Variants in ATP5PO observed in about 807,000 individuals in gnomAD.
ATP5PO encodes ATP synthase peripheral stalk subunit OSCP.
ATP5PO carries 14 observed loss-of-function variants against 26.2 expected under a neutral mutation model. The ratio of observed to expected loss-of-function variants is 0.53; its 90% CI spans 0.35 to 0.83. The LOEUF (loss-of-function observed/expected upper bound fraction) is 0.83. ATP5PO is among the 40% of genes least tolerant of loss of function. The probability of loss-of-function intolerance (pLI) is 0.01; values close to 1 mark genes in which losing one functional copy is unlikely to be tolerated. For missense variants in ATP5PO, 241 were observed against 258.5 expected, an observed-to-expected ratio of 0.93 and a Z score of 0.46; for synonymous variants, 106 against 95.1, an observed-to-expected ratio of 1.12 and a Z score of -0.67.
At chr21:33,905,730 T>A (rs1987160574) in intron 5 of ATP5PO, among the ~76,000 whole-genome samples, 1 of 151,780 alleles carries the variant, frequency 6.6e-6, no homozygotes, top group South Asian at 2.1e-4. Flanking sequence ...CTGGCCAACA[T>A]GGTGAAACTC....
rs139026253 is a variant in ATP5PO, at chr21:33,911,786, C to T, written c.198+503G>A. On this transcript the variant is annotated intron_variant, in intron 3 of 6. Transcript: ENST00000290299. ...GGTTCAAGCAATTCTGCCTCAGCCTCCGGAGTAGCTGGGATTACAGGTGTT... is the reference window on the plus strand; with the variant it reads ...GGTTCAAGCAATTCTGCCTCAGCCTTCGGAGTAGCTGGGATTACAGGTGTT... Among the ~76,000 whole-genome samples the T allele has an allele frequency of 6.1e-3, 926 of 151,102 alleles. 5 individuals carry two copies. Among genetic ancestry groups the T allele is most frequent in the African/African-American group, 0.022 (887 of 41,214 alleles).
At position 33,903,947 on chromosome 21, in the gene ATP5PO, T is replaced by C. The variant is rs1987135646; in HGVS notation, c.516A>G (p.Lys172=). The change falls in exon 6 of 7, where the codon AAA becomes AAG. Residue 172 remains lysine, a synonymous_variant. Coordinates refer to ENST00000290299, the MANE Select transcript of ATP5PO (RefSeq NM_001697.3). ...KSFLSQGQVL[K]LEAKTDPSIL... ...ATTTAAAACCTACCTTAGCCTCCAA[T>C]TTCAATACTTGGCCTTGACTTAGGA... 1 of 1,610,712 alleles carries C rather than the reference T, an allele frequency of 6.2e-7. No individual in the cohort carries two copies. The highest frequency in any genetic ancestry group is 1.1e-5 in the South Asian group (1 of 90,368).
chr21:33,914,717 C>T (rs111709685), intron 1 of ATP5PO: 378 of 505,948 alleles, frequency 7.5e-4, no homozygotes, highest in African/African-American at 2.6e-3. Flanking sequence ...CACCTTCCCA[C>T]GAACCTCCTA....
chr21:33,906,171 C>G (rs1987169896), intron 5 of ATP5PO, among the ~76,000 whole-genome samples: 1 of 152,084 alleles, frequency 6.6e-6, no homozygotes, highest in African/African-American at 2.4e-5. Context: ...GCTAGGATGC[C>G]TCTCCTTGAA....
intron 2 of ATP5PO, among the ~76,000 whole-genome samples, chr21:33,913,900 C>T (rs949710975): frequency 2.0e-5 from 3 of 152,120 alleles, no homozygotes; most frequent in African/African-American, 4.8e-5. Flanking sequence ...CTACCTCAGC[C>T]TCCCGAGTGG....
intron 3 of ATP5PO, among the ~76,000 whole-genome samples, chr21:33,911,575 T>G (rs1987247178): frequency 6.6e-6 from 1 of 151,124 alleles, no homozygotes; most frequent in South Asian, 2.1e-4. Flanking sequence ...ATATGGCAAT[T>G]AAAACCTGAG....
Position 33,912,409 on chromosome 21 carries a change from A to G in ATP5PO, c.88-10T>C. The G allele has an allele frequency of 4.4e-6, 7 of 1,598,850 alleles. No homozygotes were observed. The highest frequency in any genetic ancestry group is 6.0e-6 in the Non-Finnish European group (7 of 1,169,158). On this transcript the variant is annotated splice_polypyrimidine_tract_variant and intron_variant, in intron 2 of 6. Coordinates refer to ENST00000290299, the MANE Select transcript of ATP5PO (RefSeq NM_001697.3). ...ATACCTGAACAGGAGGCTTTAAAAAAAAGGTGAAATAGGAGAGGAAAGAAA... is the reference window on the plus strand; with the variant it reads ...ATACCTGAACAGGAGGCTTTAAAAAGAAGGTGAAATAGGAGAGGAAAGAAA...
At chr21:33,914,693 G>A (rs2284571) in intron 1 of ATP5PO, 193 bp from the exon 2 acceptor site, 46,626 of 511,624 alleles carry the variant, frequency 0.091, 2,816 homozygotes, top group East Asian at 0.22. Context: ...ATTATGCCAA[G>A]TTGCTTGGGA....
In ATP5PO at chr21:33,914,470, G is replaced by C. The variant is rs1987288390; in HGVS notation, c.67C>G (p.Pro23Ala). 1.2e-6 allele frequency: 2 copies of C among 1,612,788 alleles called. No homozygotes were observed. Among genetic ancestry groups the C allele is most frequent in the Non-Finnish European group, 1.7e-6 (2 of 1,179,462 alleles). ...VRCFSTSVVR[P>A]FAKLVRPPVQ... is the part of the protein sequence containing the mutation. Reference sequence around the variant, plus strand: ...CATACCCTCACAAGCTTGGCAAATGGTCTGACCACAGAGGTACTGAAGCAT... The same window carrying C: ...CATACCCTCACAAGCTTGGCAAATGCTCTGACCACAGAGGTACTGAAGCAT... Residue 23 changes from proline to alanine, a missense_variant, in exon 2 of 7, where the codon CCA (proline) becomes GCA (alanine). Physicochemically the swap from Pro to Ala is conservative, Grantham distance 27 (BLOSUM62 -1). Coordinates refer to ENST00000290299, the MANE Select transcript of ATP5PO (RefSeq NM_001697.3).
At chr21:33,905,634 T>C (rs774416596) in intron 5 of ATP5PO, among the ~76,000 whole-genome samples, 7 of 152,042 alleles carry the variant, frequency 4.6e-5, no homozygotes, top group Non-Finnish European at 7.4e-5. Flanking sequence ...GCCTTGTGGC[T>C]GTGCACGGTG....
At position 33,903,733 on chromosome 21, in the gene ATP5PO, G is replaced by T. The variant is rs775665609; in HGVS notation, c.529-94C>A. 2.7e-5 allele frequency: 37 copies of T among 1,356,082 alleles called. No individual in the cohort carries two copies. The East Asian group carries it at 3.0e-4, about 11-fold the overall frequency. The allele number at this position is 1,356,082 out of a possible 1,614,324, so 84.0% of individuals were successfully genotyped here. A position where few individuals can be genotyped will look rare whatever the true frequency, so the allele number is the denominator to read the frequency against. ...GAAAGGCTAAATGTGTTGCACAAATGTAAGAGGTTATAATTACACCTAGAA... is the reference window on the plus strand; with the variant it reads ...GAAAGGCTAAATGTGTTGCACAAATTTAAGAGGTTATAATTACACCTAGAA... On this transcript the variant is annotated intron_variant, in intron 6 of 6. Coordinates refer to ENST00000290299, the MANE Select transcript of ATP5PO (RefSeq NM_001697.3).
chr21:33,915,722 T>C lies in ATP5PO; in HGVS notation c.36+6A>G, dbSNP rs1177769240. On this transcript the variant is annotated splice_donor_region_variant and intron_variant, in intron 1 of 6. Transcript: ENST00000290299. ...CCACTGGCTCTCAGGACCACCTTTC[T>C]CTCACCTGCCGGGAGAGCCCGGACA... 2.4e-5 allele frequency: 38 copies of C among 1,572,162 alleles called. No individual in the cohort carries two copies. In the East Asian group the frequency reaches 8.7e-4, roughly 36 times the overall value.
rs764071476 is a variant in ATP5PO, at chr21:33,903,622, C to G, written c.546G>C (p.Leu182Phe). 6.2e-7 allele frequency: 1 copy of G among 1,614,082 alleles called. No individual in the cohort carries two copies. Among genetic ancestry groups the G allele is most frequent in the South Asian group, 1.1e-5 (1 of 91,082 alleles). Residue 182 changes from leucine to phenylalanine, a missense_variant, in exon 7 of 7, where the codon TTG (leucine) becomes TTC (phenylalanine). Leu to Phe is a conservative substitution (Grantham distance 22). This residue lies in a region of ATP5PO where 77 missense variants were observed against 74.5 expected (regional missense o/e 1.03). Coordinates refer to ENST00000290299, the MANE Select transcript of ATP5PO (RefSeq NM_001697.3). ...KLEAKTDPSILGGMIVRIGEK... is the reference protein window; with the variant it reads ...KLEAKTDPSIFGGMIVRIGEK... ...CGCCAATGCGCACAATCATTCCACC[C>G]AAGATTGACGGATCAGTCTACAAAA... is the stretch of plus-strand genomic sequence containing the variant.
At position 33,903,590 on chromosome 21, in the gene ATP5PO, T is replaced by C. The variant is rs763459302; in HGVS notation, c.578A>G (p.Tyr193Cys). The C allele has an allele frequency of 1.2e-5, 20 of 1,614,208 alleles. No homozygotes were observed. In the East Asian group the frequency reaches 2.5e-4, roughly 20 times the overall value. ...CTTGGTCTTGACAGACATGTCAACATATTTCTCGCCAATGCGCACAATCAT... is the reference window on the plus strand; with the variant it reads ...CTTGGTCTTGACAGACATGTCAACACATTTCTCGCCAATGCGCACAATCAT... ...GGMIVRIGEKYVDMSVKTKIQ... is the reference protein window; with the variant it reads ...GGMIVRIGEKCVDMSVKTKIQ... Residue 193 changes from tyrosine to cysteine, a missense_variant, in exon 7 of 7, where the codon TAT becomes TGT. Coordinates refer to ENST00000290299, the MANE Select transcript of ATP5PO (RefSeq NM_001697.3).
At chr21:33,910,895 A>C (rs1987238411) in intron 3 of ATP5PO, among the ~76,000 whole-genome samples, 2 of 152,262 alleles carry the variant, frequency 1.3e-5, no homozygotes, top group African/African-American at 4.8e-5. Context: ...TAAAACATAA[A>C]CAGTACAGAA....
At chr21:33,911,760 AGG>A (rs1987252805) in intron 3 of ATP5PO, among the ~76,000 whole-genome samples, 1 of 132,460 alleles carries the variant, frequency 7.5e-6, no homozygotes, top group African/African-American at 2.9e-5. Flanking sequence ...TCGGCTTCCC[AGG>A]TTCAAGCAAT....
chr21:33,904,932 G>A (rs1211204820), intron 5 of ATP5PO, among the ~76,000 whole-genome samples: 1 of 152,048 alleles, frequency 6.6e-6, no homozygotes, highest in Admixed American at 6.6e-5. Flanking sequence ...GTAGAGACGG[G>A]GTTTCACCAT....
At chr21:33,903,776 T>G in intron 6 of ATP5PO, 137 bp from the exon 7 acceptor site, 1 of 1,100,646 alleles carries the variant, frequency 9.1e-7, no homozygotes, top group Non-Finnish European at 1.3e-6. Flanking sequence ...AAAGTAAAAC[T>G]GCACAGTCAG....
At chr21:33,908,720 A>C (rs898156059) in intron 4 of ATP5PO, 1 of 165,212 alleles carries the variant, frequency 6.1e-6, no homozygotes, top group Non-Finnish European at 1.3e-5. Flanking sequence ...AAAAGAGAAA[A>C]GCAGTCCAAA....
Sources: allele counts gnomAD v4.1 joint callset (sites outside exome capture counted in the v4.1 genomes callset), GRCh38; gene constraint gnomAD v4.1.1; regional missense constraint gnomAD v4.1.1; transcripts MANE v1.5; gene names NCBI Gene and HGNC (gene_info 2026-07-23, HGNC 2026-07-21).